HSDL2: variants seen among roughly 807,000 people sequenced by gnomAD.
HSDL2 encodes the protein hydroxysteroid dehydrogenase-like protein 2.
Under a neutral mutation model 46.3 loss-of-function variants are expected in HSDL2, and 27 were observed. That is an observed-to-expected ratio of 0.58 (90% CI 0.43 to 0.80). HSDL2 has a LOEUF of 0.80. HSDL2 is among the 30% of genes least tolerant of loss of function. HSDL2 has a pLI of 0.00. For missense variants in HSDL2, 451 were observed against 502.7 expected (o/e 0.90, Z 0.98); for synonymous variants, 153 against 163.6 (o/e 0.94, Z 0.50).
intron 6 of HSDL2, among the ~76,000 whole-genome samples, chr9:112,431,353 A>G (rs1360650084): frequency 6.6e-6 from 1 of 152,228 alleles, no homozygotes; most frequent in Non-Finnish European, 1.5e-5. Context: ...GGCAGTGAGT[A>G]GAAGAGAAAG....
At chr9:112,380,304 A>C (rs1831054194) in intron 1 of HSDL2, 124 bp downstream of exon 1, 2 of 897,800 alleles carry the variant, frequency 2.2e-6, no homozygotes, top group Non-Finnish European at 3.3e-6. Context: ...CTGCCTGGGC[A>C]CGCTCTGAGC....
At position 112,404,154 on chromosome 9, in the gene HSDL2, A is replaced by G. The variant is rs780096364; in HGVS notation, c.177A>G (p.Glu59=). The change falls in exon 2 of 11, where the codon GAA becomes GAG. Residue 59 remains glutamate (E), a synonymous_variant. Transcript: ENST00000398805. ...KLLGTIYTAA[E]EIEAVGGKAL... ...TAGGCACAATCTATACTGCTGCTGA[A>G]GAAAGTGAGTGTGACAGTGCCATTT... is the stretch of plus-strand genomic sequence containing the variant. 3.7e-6 allele frequency: 6 copies of G among 1,613,708 alleles called. No homozygotes were observed. In the East Asian group the frequency reaches 1.3e-4, roughly 36 times the overall value.
intron 1 of HSDL2, among the ~76,000 whole-genome samples, chr9:112,389,510 A>C (rs1388654891): frequency 6.6e-6 from 1 of 152,254 alleles, no homozygotes; most frequent in Non-Finnish European, 1.5e-5. Flanking sequence ...TTATTTACAA[A>C]TAAAAAGTTG....
chr9:112,396,976 C>T (rs1018979304), intron 1 of HSDL2, among the ~76,000 whole-genome samples: 5 of 152,154 alleles, frequency 3.3e-5, no homozygotes, highest in African/African-American at 4.8e-5. Context: ...GCCCCGCTTC[C>T]GATTTCCCTG....
intron 10 of HSDL2, among the ~76,000 whole-genome samples, chr9:112,465,317 C>G (rs1213385397): frequency 6.6e-6 from 1 of 152,094 alleles, no homozygotes; most frequent in African/African-American, 2.4e-5. Flanking sequence ...TTAGTAGAGA[C>G]AGAATTTCAC....
rs114590546 is a variant in HSDL2, at chr9:112,412,322, A to G, written c.395+3301A>G. On this transcript the variant is annotated intron_variant, in intron 4 of 10. Coordinates refer to ENST00000398805, the MANE Select transcript of HSDL2 (RefSeq NM_032303.5). Reference sequence around the variant, plus strand: ...GTTTTCATGACATGAAATGACTTCCAAGGTATTGACAAATATCTTGGCAAG... The same window carrying G: ...GTTTTCATGACATGAAATGACTTCCGAGGTATTGACAAATATCTTGGCAAG... Among the ~76,000 whole-genome samples, 607 of 152,302 alleles carry G rather than the reference A, an allele frequency of 4.0e-3. 5 individuals carry two copies. Among genetic ancestry groups the G allele is most frequent in the African/African-American group, 0.014 (585 of 41,562 alleles).
chr9:112,428,717 T>C (rs1160549592), intron 6 of HSDL2, among the ~76,000 whole-genome samples: 1 of 152,178 alleles, frequency 6.6e-6, no homozygotes, highest in Non-Finnish European at 1.5e-5. Flanking sequence ...AGCTTACACT[T>C]TATGGTGCCT....
chr9:112,463,928 T>A (rs1833292265), intron 10 of HSDL2, among the ~76,000 whole-genome samples: 1 of 152,178 alleles, frequency 6.6e-6, no homozygotes, highest in Non-Finnish European at 1.5e-5. Flanking sequence ...CCCAAAGTGC[T>A]GGGATTATAG....
At chr9:112,410,249 A>G (rs1268692905) in intron 4 of HSDL2, among the ~76,000 whole-genome samples, 4 of 152,184 alleles carry the variant, frequency 2.6e-5, no homozygotes, top group Admixed American at 6.5e-5. Context: ...CTGGTTCTAT[A>G]TTTTCCATGT....
At chr9:112,468,898 G>A (rs1833480066) in intron 10 of HSDL2, among the ~76,000 whole-genome samples, 1 of 152,152 alleles carries the variant, frequency 6.6e-6, no homozygotes, top group South Asian at 2.1e-4. Flanking sequence ...TGAGTGGGGT[G>A]GGTGGAATGG....
At chr9:112,429,855 GTC>G (rs1832343927) in intron 6 of HSDL2, among the ~76,000 whole-genome samples, 1 of 152,300 alleles carries the variant, frequency 6.6e-6, no homozygotes, top group East Asian at 1.9e-4. Context: ...ACTTTGGGAG[GTC>G]AAAGCAGGCC....
Position 112,395,706 on chromosome 9 carries a change from G to A in HSDL2, c.18-8289G>A, listed in dbSNP as rs114652273. Among the ~76,000 whole-genome samples, 476 of 152,346 alleles carry A rather than the reference G, an allele frequency of 3.1e-3. 4 individuals carry two copies. The highest frequency in any genetic ancestry group is 0.011 in the African/African-American group (454 of 41,592). ...AAGGAGGGGCAGGCATGCCAGGTTG[G>A]ACGGCTCCCATAGGTTTAATTACAG... On this transcript the variant is annotated intron_variant, in intron 1 of 10. Coordinates refer to ENST00000398805, the MANE Select transcript of HSDL2 (RefSeq NM_032303.5).
intron 9 of HSDL2, among the ~76,000 whole-genome samples, chr9:112,454,709 T>C (rs960389726): frequency 6.6e-6 from 1 of 152,120 alleles, no homozygotes; most frequent in Non-Finnish European, 1.5e-5. Context: ...TTTAAAAATT[T>C]ATAATTATTT....
chr9:112,400,869 T>C (rs1430806077), intron 1 of HSDL2, among the ~76,000 whole-genome samples: 2 of 152,180 alleles, frequency 1.3e-5, no homozygotes, highest in Non-Finnish European at 2.9e-5. Flanking sequence ...TAGTCTTCCT[T>C]CTTCTTAGAA....
intron 1 of HSDL2, among the ~76,000 whole-genome samples, chr9:112,395,840 G>C (rs1283790416): frequency 6.6e-6 from 1 of 152,160 alleles, no homozygotes; most frequent in Non-Finnish European, 1.5e-5. Flanking sequence ...TTTCCAAGTT[G>C]TAACTGTTCA....
At chr9:112,398,419 T>C (rs1486959377) in intron 1 of HSDL2, among the ~76,000 whole-genome samples, 1 of 151,880 alleles carries the variant, frequency 6.6e-6, no homozygotes, top group Non-Finnish European at 1.5e-5. Context: ...TCCTGGGCTG[T>C]CCAAGTCGGG....
At chr9:112,400,995 A>G (rs988875795) in intron 1 of HSDL2, among the ~76,000 whole-genome samples, 2 of 152,188 alleles carry the variant, frequency 1.3e-5, no homozygotes, top group Admixed American at 6.5e-5. Context: ...GGACTTCCAC[A>G]TGCTTTTTGG....
chr9:112,468,541 C>T (rs114791050), intron 10 of HSDL2, among the ~76,000 whole-genome samples: 1 of 152,114 alleles, frequency 6.6e-6, no homozygotes, highest in South Asian at 2.1e-4. Flanking sequence ...AACCCATCCC[C>T]TCTCCTTCCC....
chr9:112,440,913 C>A (rs1299075852), intron 7 of HSDL2, among the ~76,000 whole-genome samples: 1 of 152,134 alleles, frequency 6.6e-6, no homozygotes, highest in East Asian at 1.9e-4. Flanking sequence ...GAGGCTGAAG[C>A]AGGAGGATTG....
Sources: allele counts gnomAD v4.1 joint callset (sites outside exome capture counted in the v4.1 genomes callset), GRCh38; gene constraint gnomAD v4.1.1; transcripts MANE v1.5; gene names NCBI Gene and HGNC (gene_info 2026-07-23, HGNC 2026-07-21).